NAAA: variants seen among roughly 807,000 people sequenced by gnomAD.
NAAA encodes N-acylethanolamine acid amidase.
A neutral mutation model predicts 44.8 loss-of-function variants in NAAA; 39 were observed. That is an observed-to-expected ratio of 0.87 (90% CI 0.67 to 1.14). The LOEUF (loss-of-function observed/expected upper bound fraction) is 1.14, where lower values mean the gene tolerates loss of function less well. Ranked by LOEUF, NAAA falls within the 50% of genes most tolerant of loss-of-function variation. The pLI, the probability that NAAA is intolerant of heterozygous loss-of-function variation, is 0.00. For missense variants in NAAA, 460 were observed against 467.8 expected, an observed-to-expected ratio of 0.98 and a Z score of 0.15; for synonymous variants, 178 against 191.3, an observed-to-expected ratio of 0.93 and a Z score of 0.58.
rs769379794 is a variant in NAAA, at chr4:75,919,891, C to G, written c.969+18G>C. The G allele has an allele frequency of 1.2e-6, 2 of 1,602,622 alleles. No individual in the cohort carries two copies. Among genetic ancestry groups the G allele is most frequent in the Non-Finnish European group, 1.7e-6 (2 of 1,169,682 alleles). On this transcript the variant is annotated intron_variant, in intron 8 of 10. Transcript: ENST00000286733. ...CACCAAACATCCTAGGTATGCAGGA[C>G]ACTGTGACACAAGTTACCTGGAAAA...
chr4:75,933,885 C>T (rs1231772046), intron 3 of NAAA, among the ~76,000 whole-genome samples: 1 of 151,738 alleles, frequency 6.6e-6, no homozygotes, highest in African/African-American at 2.4e-5. Flanking sequence ...CAAAAATTAG[C>T]CGGGTGTGGT....
intron 7 of NAAA, among the ~76,000 whole-genome samples, chr4:75,920,277 T>C (rs1295617274): frequency 6.6e-6 from 1 of 152,236 alleles, no homozygotes; most frequent in East Asian, 1.9e-4. Flanking sequence ...TATAGCTACC[T>C]GCACTTTGGA....
intron 2 of NAAA, among the ~76,000 whole-genome samples, chr4:75,938,942 T>A (rs1578092069): frequency 1.3e-5 from 2 of 152,230 alleles, no homozygotes. Flanking sequence ...CTCTGCCTCC[T>A]GGGTTCAAGT....
At chr4:75,922,232 G>C (rs186450712) in intron 5 of NAAA, among the ~76,000 whole-genome samples, 2 of 152,018 alleles carry the variant, frequency 1.3e-5, no homozygotes, top group African/African-American at 4.8e-5. Flanking sequence ...CCCATGGCAG[G>C]GCTTTGTAGA....
intron 9 of NAAA, 68 bp from the exon 10 acceptor site, chr4:75,915,053 A>T: frequency 8.6e-7 from 1 of 1,164,282 alleles, no homozygotes; most frequent in Non-Finnish European, 1.3e-6. Context: ...GAAGAAAATG[A>T]CCAAGTGCTT....
chr4:75,936,321 C>T, intron 2 of NAAA, 86 bp from the exon 3 acceptor site: 2 of 1,484,930 alleles, frequency 1.3e-6, no homozygotes, highest in Non-Finnish European at 1.8e-6. Flanking sequence ...AAAACAAATC[C>T]TCAAAGTAAA....
intron 3 of NAAA, among the ~76,000 whole-genome samples, chr4:75,931,560 C>T (rs924778173): frequency 5.3e-5 from 8 of 152,114 alleles, no homozygotes; most frequent in Admixed American, 5.2e-4. Flanking sequence ...TTTCACTAAC[C>T]TCTAACTGAA....
At chr4:75,934,544 G>A (rs570860193) in intron 3 of NAAA, among the ~76,000 whole-genome samples, 68 of 151,076 alleles carry the variant, frequency 4.5e-4, no homozygotes, top group African/African-American at 1.6e-3. Flanking sequence ...GGCCAGGCTG[G>A]TCTTGAACTC....
chr4:75,934,123 C>T (rs1051298968), intron 3 of NAAA, among the ~76,000 whole-genome samples: 12 of 150,850 alleles, frequency 8.0e-5, no homozygotes, highest in African/African-American at 2.9e-4. Context: ...AGGCTGTAAA[C>T]AAAAACTATC....
intron 3 of NAAA, among the ~76,000 whole-genome samples, chr4:75,932,495 C>A (rs1046649236): frequency 3.3e-5 from 5 of 152,066 alleles, no homozygotes; most frequent in Non-Finnish European, 5.9e-5. Context: ...ATGTAACCTG[C>A]AGGAGAAAAA....
chr4:75,932,582 A>C (rs1255974598), intron 3 of NAAA, among the ~76,000 whole-genome samples: 1 of 152,060 alleles, frequency 6.6e-6, no homozygotes, highest in Non-Finnish European at 1.5e-5. Flanking sequence ...TCCTGGGCTC[A>C]AGCAATCCTC....
intron 8 of NAAA, 65 bp from the exon 9 acceptor site, chr4:75,918,854 T>G: frequency 1.4e-6 from 2 of 1,481,440 alleles, no homozygotes; most frequent in Non-Finnish European, 1.9e-6. Flanking sequence ...ATAGAATATC[T>G]ATGGAGGGCC....
At position 75,914,042 on chromosome 4, in the gene NAAA, G is replaced by T. The variant is rs538011561; in HGVS notation, c.*333C>A. The T allele has an allele frequency of 3.2e-5, 32 of 985,440 alleles. No individual in the cohort carries two copies. The African/African-American group carries it at 4.5e-4, about 14-fold the overall frequency. 61.0% of individuals were successfully genotyped at this position (985,440 alleles called of 1,614,324 possible). A position where few individuals can be genotyped will look rare whatever the true frequency, so the allele number is the denominator to read the frequency against. On this transcript the variant is annotated 3_prime_UTR_variant, in exon 11 of 11. Transcript: ENST00000286733. Reference sequence around the variant, plus strand: ...CAAAGGTATGATGGCAGAATCATGAGAAGATGGAAATAAGGCCTGAGGATA... The same window carrying T: ...CAAAGGTATGATGGCAGAATCATGATAAGATGGAAATAAGGCCTGAGGATA...
chr4:75,912,073 C>T (rs754922364), downstream of NAAA, among the ~76,000 whole-genome samples: 3 of 152,110 alleles, frequency 2.0e-5, no homozygotes, highest in Admixed American at 1.3e-4. Context: ...TTTGCAAAGG[C>T]GGTTTCAACA....
At position 75,921,118 on chromosome 4, in the gene NAAA, C is replaced by T; in HGVS notation, c.672G>A (p.Leu224=). The T allele has an allele frequency of 6.3e-7, 1 of 1,578,074 alleles. No homozygotes were observed. The highest frequency in any genetic ancestry group is 8.6e-7 in the Non-Finnish European group (1 of 1,167,476). The change falls in exon 6 of 11, where the codon CTG becomes CTA. Residue 224 remains leucine, a synonymous_variant. Transcript: ENST00000286733. ...CTGCTTCGAAGTTTTCCGACTCACTCAGGGTCTGAACGAAAGGATGAACTT... is the reference window on the plus strand; with the variant it reads ...CTGCTTCGAAGTTTTCCGACTCACTTAGGGTCTGAACGAAAGGATGAACTT... ...IPVSWLIRAT[L]SESENFEAAV... is the part of the protein sequence containing the mutation.
chr4:75,930,388 CT>C (rs1727121226), intron 4 of NAAA: 1 of 488,582 alleles, frequency 2.0e-6, no homozygotes, highest in Non-Finnish European at 4.1e-6. Flanking sequence ...TCTCCCACTA[CT>C]AGCTGTCATT....
Position 75,940,919 on chromosome 4 carries a change from C to A in NAAA, c.31G>T (p.Gly11Trp). 6.6e-7 allele frequency: 1 copy of A among 1,505,580 alleles called. No individual in the cohort carries two copies. The highest frequency in any genetic ancestry group is 1.2e-5 in the South Asian group (1 of 80,866). The allele number at this position is 1,505,580 out of a possible 1,614,324, so 93.3% of individuals were successfully genotyped here. Residue 11 changes from glycine (G) to tryptophan (W), a missense_variant, in exon 1 of 11, where the codon GGG (glycine) becomes TGG (tryptophan). Coordinates refer to ENST00000286733, the MANE Select transcript of NAAA (RefSeq NM_014435.4). MRTADREARP[G>W]LPSLLLLLLA... Reference sequence around the variant, plus strand: ...AGCAGCAGCAGCAGGGACGGAAGCCCCGGGCGCGCCTCCCGGTCCGCGGTC... The same window carrying A: ...AGCAGCAGCAGCAGGGACGGAAGCCACGGGCGCGCCTCCCGGTCCGCGGTC...
Position 75,920,760 on chromosome 4 carries a change from C to T in NAAA, c.880G>A (p.Ala294Thr). Residue 294 changes from alanine (A) to threonine (T), a missense_variant, in exon 7 of 11, where the codon GCA becomes ACA. Ala to Thr is a moderately conservative substitution (Grantham distance 58). Coordinates refer to ENST00000286733, the MANE Select transcript of NAAA (RefSeq NM_014435.4). ...VETNYDHWKP[A>T]PKEDDRRTSA... ...TACCTCCGGTCATCTTCCTTGGGTG[C>T]TGGCTTCCAGTGGTCGTAATTTGTC... is the stretch of plus-strand genomic sequence containing the variant. 6.2e-7 allele frequency: 1 copy of T among 1,614,224 alleles called. No homozygotes were observed. Among genetic ancestry groups the T allele is most frequent in the Non-Finnish European group, 8.5e-7 (1 of 1,180,036 alleles).
chr4:75,912,469 G>A (rs573025011), downstream of NAAA, among the ~76,000 whole-genome samples: 67 of 151,380 alleles, frequency 4.4e-4, no homozygotes, highest in Admixed American at 1.1e-3. Context: ...CAGTAGAATC[G>A]CTTGAACCCA....
Sources: gnomAD v4.1 joint callset for allele counts (sites outside exome capture counted in the v4.1 genomes callset) on GRCh38, gnomAD v4.1.1 for gene constraint, MANE v1.5 for transcripts, NCBI Gene and HGNC (gene_info 2026-07-23, HGNC 2026-07-21) for gene names.